The following FHOD3 variants were observed in gnomAD, a reference collection of about 807,000 sequenced individuals.
The protein encoded by FHOD3 is formin homology 2 domain containing 3.
In FHOD3, 90 loss-of-function variants were observed where a neutral mutation model predicts 173.0. The observed-to-expected ratio is 0.52, with a 90% CI of 0.44 to 0.62. FHOD3 has a LOEUF of 0.62. Ranked by LOEUF, FHOD3 falls within the 20% of genes least tolerant of loss-of-function variation. FHOD3 has a pLI of 0.00. For synonymous variants in FHOD3, 828 were observed against 823.0 expected (o/e 1.01, Z -0.10); for missense variants, 1,945 against 2,034.7 (o/e 0.96, Z 0.85).
Position 36,490,528 on chromosome 18 carries a change from A to G in FHOD3, c.338-11404A>G, listed in dbSNP as rs139652625. On this transcript the variant is annotated intron_variant, in intron 3 of 28. Coordinates refer to ENST00000590592, the MANE Select transcript of FHOD3 (RefSeq NM_001281740.3). ...AGATGGTAATGACAGGCAAGCAACCACATACATAATTTTATGACTTAAAGT... is the reference window on the plus strand; with the variant it reads ...AGATGGTAATGACAGGCAAGCAACCGCATACATAATTTTATGACTTAAAGT... 9.1e-3 allele frequency among the ~76,000 whole-genome samples: 1,384 copies of G among 152,256 alleles called. 22 individuals carry two copies. Among genetic ancestry groups the G allele is most frequent in the African/African-American group, 0.032 (1,316 of 41,540 alleles).
In FHOD3 at chr18:36,501,988, C is replaced by T; in HGVS notation, c.394C>T (p.Gln132Ter). 1 of 1,603,034 alleles carries T rather than the reference C, an allele frequency of 6.2e-7. No individual in the cohort carries two copies. The highest frequency in any genetic ancestry group is 8.5e-7 in the Non-Finnish European group (1 of 1,173,646). Residue 132 changes from glutamine (Q) to a stop codon, truncating the protein, a stop_gained, in exon 4 of 29, where the codon CAG becomes TAG. Coordinates refer to ENST00000590592, the MANE Select transcript of FHOD3 (RefSeq NM_001281740.3). LOFTEE classifies it high-confidence loss of function. Reference protein sequence around the residue: ...DLRRALFSLKQIFQDDKDLVH... With the variant: ...DLRRALFSLK ...GAGAAGGGCCCTCTTCTCCCTGAAGCAGATATTTCAGGTAAATAGGAAAAA... is the reference window on the plus strand; with the variant it reads ...GAGAAGGGCCCTCTTCTCCCTGAAGTAGATATTTCAGGTAAATAGGAAAAA...
chr18:36,421,423 G>A (rs1362542416), intron 3 of FHOD3, among the ~76,000 whole-genome samples: 1 of 152,170 alleles, frequency 6.6e-6, no homozygotes, highest in Admixed American at 6.5e-5. Context: ...CTTTACTTCA[G>A]TTGATCCAAG....
At chr18:36,346,375 A>G (rs2045881072) in intron 1 of FHOD3, among the ~76,000 whole-genome samples, 2 of 152,110 alleles carry the variant, frequency 1.3e-5, no homozygotes, top group South Asian at 4.2e-4. Context: ...CAAAACAAAA[A>G]ACAAAACTGA....
intron 3 of FHOD3, among the ~76,000 whole-genome samples, chr18:36,500,931 G>A (rs1041556942): frequency 2.0e-5 from 3 of 152,268 alleles, no homozygotes; most frequent in Admixed American, 1.3e-4. Flanking sequence ...GAGGCTAAGC[G>A]GGATGTGTGC....
intron 27 of FHOD3, among the ~76,000 whole-genome samples, chr18:36,766,195 A>G (rs2043132138): frequency 6.6e-6 from 1 of 152,214 alleles, no homozygotes; most frequent in Non-Finnish European, 1.5e-5. Flanking sequence ...AGAACAAAAA[A>G]CTTCAACCAC....
chr18:36,304,215 T>C (rs2092031398), intron 1 of FHOD3, among the ~76,000 whole-genome samples: 1 of 152,182 alleles, frequency 6.6e-6, no homozygotes, highest in East Asian at 1.9e-4. Flanking sequence ...AATAGTATTG[T>C]GGTTAGGTTT....
At chr18:36,336,564 C>T (rs113285541) in intron 1 of FHOD3, among the ~76,000 whole-genome samples, 31 of 152,142 alleles carry the variant, frequency 2.0e-4, no homozygotes, top group African/African-American at 7.5e-4. Context: ...TGGCTGAACG[C>T]AGTGGCTCAA....
intron 3 of FHOD3, among the ~76,000 whole-genome samples, chr18:36,425,443 T>A (rs1333730453): frequency 1.3e-5 from 2 of 152,210 alleles, no homozygotes; most frequent in African/African-American, 4.8e-5. Context: ...CCCAGCTTTT[T>A]AAAATTTGTA....
At chr18:36,658,010 T>G in intron 13 of FHOD3, 65 bp from the exon 14 acceptor site, 1 of 1,215,996 alleles carries the variant, frequency 8.2e-7, no homozygotes, top group Non-Finnish European at 1.2e-6. Flanking sequence ...TGCTAAGTCT[T>G]ATTTACTGAC....
At chr18:36,509,567 G>C (rs948699423) in intron 4 of FHOD3, among the ~76,000 whole-genome samples, 17 of 152,100 alleles carry the variant, frequency 1.1e-4, no homozygotes, top group African/African-American at 4.1e-4. Flanking sequence ...GTAGTTTAGA[G>C]ATACATATTG....
chr18:36,741,193 A>G (rs2041885254), intron 21 of FHOD3, among the ~76,000 whole-genome samples: 1 of 152,236 alleles, frequency 6.6e-6, no homozygotes. Context: ...CCACGTGATG[A>G]TAATCACCTA....
At chr18:36,462,704 A>C (rs971208424) in intron 3 of FHOD3, among the ~76,000 whole-genome samples, 3 of 152,194 alleles carry the variant, frequency 2.0e-5, no homozygotes, top group African/African-American at 7.2e-5. Context: ...AGCTTACTGC[A>C]ACCTTGAACT....
chr18:36,603,155 G>T (rs1222950879), intron 8 of FHOD3, among the ~76,000 whole-genome samples: 1 of 152,148 alleles, frequency 6.6e-6, no homozygotes, highest in Non-Finnish European at 1.5e-5. Flanking sequence ...AACTGAGACA[G>T]AATAAGTTTC....
intron 11 of FHOD3, among the ~76,000 whole-genome samples, chr18:36,650,034 C>T (rs1394166271): frequency 6.6e-6 from 1 of 152,198 alleles, no homozygotes. Flanking sequence ...CGCTGACAGA[C>T]ATGGGCACCT....
chr18:36,720,747 T>TC (rs1568670594), intron 19 of FHOD3, among the ~76,000 whole-genome samples: 74 of 100,022 alleles, frequency 7.4e-4, no homozygotes, highest in African/African-American at 2.8e-3. Flanking sequence ...TCCTCCTCCT[T>TC]CTTCTCCTCC....
intron 6 of FHOD3, among the ~76,000 whole-genome samples, chr18:36,581,692 A>G (rs905944919): frequency 6.6e-6 from 1 of 152,170 alleles, no homozygotes; most frequent in Admixed American, 6.5e-5. Context: ...ACACATACAT[A>G]CATGCTCGTG....
At chr18:36,495,289 T>C (rs1214589385) in intron 3 of FHOD3, among the ~76,000 whole-genome samples, 1 of 152,136 alleles carries the variant, frequency 6.6e-6, no homozygotes, top group Non-Finnish European at 1.5e-5. Flanking sequence ...CAGTGTCATG[T>C]CTTGGTTGCT....
intron 1 of FHOD3, among the ~76,000 whole-genome samples, chr18:36,321,531 G>A (rs1056038395): frequency 4.6e-5 from 7 of 152,116 alleles, no homozygotes; most frequent in South Asian, 2.1e-4. Flanking sequence ...GCTGATCTTC[G>A]GTAATATGTA....
intron 10 of FHOD3, among the ~76,000 whole-genome samples, chr18:36,647,634 G>A (rs1247433345): frequency 6.6e-6 from 1 of 152,152 alleles, no homozygotes; most frequent in Non-Finnish European, 1.5e-5. Flanking sequence ...TTCACCAGAA[G>A]ACATGTACTA....
Sources: gnomAD v4.1 joint callset for allele counts (sites outside exome capture counted in the v4.1 genomes callset) on GRCh38, gnomAD v4.1.1 for gene constraint, MANE v1.5 for transcripts, NCBI Gene and HGNC (gene_info 2026-07-23, HGNC 2026-07-21) for gene names.